RGS6: variants seen among roughly 807,000 people sequenced by gnomAD.
The protein encoded by RGS6 is regulator of G-protein signaling 6.
A neutral mutation model predicts 78.5 loss-of-function variants in RGS6; 30 were observed. The ratio of observed to expected loss-of-function variants is 0.38; its 90% CI spans 0.29 to 0.52. RGS6 has a LOEUF of 0.52. Ranked by LOEUF, RGS6 falls within the 20% of genes least tolerant of loss-of-function variation. The probability of loss-of-function intolerance (pLI) is 0.85; values close to 1 mark genes in which losing one functional copy is unlikely to be tolerated. For synonymous variants in RGS6, 206 were observed against 206.0 expected (o/e 1.00, Z 0.00); for missense variants, 495 against 609.7 (o/e 0.81, Z 1.98).
chr14:71,874,605 T>A, the RGS6 span, among the ~76,000 whole-genome samples: 8 of 152,230 alleles, frequency 5.3e-5, no homozygotes, highest in African/African-American at 1.9e-4. Flanking sequence ...CAATTTGACT[T>A]CCTCTTTTCC....
chr14:72,092,444 C>T (rs1206112241), intron 2 of RGS6, among the ~76,000 whole-genome samples: 3 of 152,042 alleles, frequency 2.0e-5, no homozygotes, highest in Non-Finnish European at 4.4e-5. Flanking sequence ...TGCAATGGCA[C>T]AATCTCAGCT....
chr14:72,435,788 CCT>C (rs2094881099), intron 3 of RGS6, among the ~76,000 whole-genome samples: 2 of 136,476 alleles, frequency 1.5e-5, no homozygotes, highest in African/African-American at 5.4e-5. Flanking sequence ...TATCACATCT[CCT>C]CTCTCTGATC....
chr14:72,090,156 A>G (rs900669631), intron 2 of RGS6, among the ~76,000 whole-genome samples: 2 of 151,956 alleles, frequency 1.3e-5, no homozygotes, highest in African/African-American at 4.8e-5. Context: ...GGCTAAACAC[A>G]AAACCAGAAT....
At position 72,022,339 on chromosome 14, in the gene RGS6, C is replaced by T. The variant is rs377232691; in HGVS notation, c.84+57464C>T. 7 of 152,228 alleles carry T rather than the reference C, an allele frequency of 4.6e-5. No individual in the cohort carries two copies. The East Asian group carries it at 9.7e-4, about 21-fold the overall frequency. The allele number at this position is 152,228 out of a possible 1,614,324, so 9.4% of individuals were successfully genotyped here. ...GAATGATAGTTCTGCTTTTAGCTCTCTGAGGAATTGCCATACTGCTTTCCA... is the reference window on the plus strand; with the variant it reads ...GAATGATAGTTCTGCTTTTAGCTCTTTGAGGAATTGCCATACTGCTTTCCA... On this transcript the variant is annotated intron_variant, in intron 2 of 17. Transcript: ENST00000553525.
intron 2 of RGS6, among the ~76,000 whole-genome samples, chr14:72,341,567 A>G (rs1596004892): frequency 6.6e-6 from 1 of 152,216 alleles, no homozygotes; most frequent in Admixed American, 6.5e-5. Context: ...GATGAAGTCC[A>G]TGACCAGCAA....
intron 2 of RGS6, among the ~76,000 whole-genome samples, chr14:72,012,416 C>A (rs2085966460): frequency 6.6e-6 from 1 of 152,134 alleles, no homozygotes; most frequent in South Asian, 2.1e-4. Flanking sequence ...ATGTCATGAA[C>A]ATTTCCTTAG....
chr14:72,562,719 A>G lies in RGS6; in HGVS notation c.*252A>G. 1 of 1,536,120 alleles carries G rather than the reference A, an allele frequency of 6.5e-7. No homozygotes were observed. Among genetic ancestry groups the G allele is most frequent in the Non-Finnish European group, 8.7e-7 (1 of 1,146,902 alleles). On this transcript the variant is annotated 3_prime_UTR_variant, in exon 18 of 18. Transcript: ENST00000553525. ...AGCCCTCTCTTCTTTGTACAGTTGT[A>G]TTCCAACACTCCACTCGCTAAGAGG... is the stretch of plus-strand genomic sequence containing the variant.
At chr14:72,039,237 AG>A (rs1225708813) in intron 2 of RGS6, among the ~76,000 whole-genome samples, 1 of 152,178 alleles carries the variant, frequency 6.6e-6, no homozygotes, top group Non-Finnish European at 1.5e-5. Flanking sequence ...CATTAATCTC[AG>A]GGTAGGTGAA....
chr14:72,254,492 C>T (rs1290758394), intron 2 of RGS6, among the ~76,000 whole-genome samples: 3 of 152,052 alleles, frequency 2.0e-5, no homozygotes, highest in African/African-American at 7.2e-5. Context: ...AGTTGCTTTT[C>T]CACAGTCCCT....
At chr14:71,944,774 C>A (rs1173421367) in intron 1 of RGS6, among the ~76,000 whole-genome samples, 1 of 152,158 alleles carries the variant, frequency 6.6e-6, no homozygotes, top group South Asian at 2.1e-4. Context: ...GACCAGGATA[C>A]ATTTGGAGAA....
chr14:72,504,266 G>T (rs559689053), intron 13 of RGS6, among the ~76,000 whole-genome samples: 7 of 152,312 alleles, frequency 4.6e-5, no homozygotes, highest in Admixed American at 1.3e-4. Flanking sequence ...AATAGACAAA[G>T]AATTTTTCAG....
At chr14:72,538,679 C>A (rs2097281527) in intron 16 of RGS6, among the ~76,000 whole-genome samples, 1 of 152,244 alleles carries the variant, frequency 6.6e-6, no homozygotes, top group Non-Finnish European at 1.5e-5. Flanking sequence ...TCCTGCCATC[C>A]CCAGAATAGA....
chr14:72,478,538 A>G (rs1332773742), intron 12 of RGS6, among the ~76,000 whole-genome samples: 1 of 152,182 alleles, frequency 6.6e-6, no homozygotes. Flanking sequence ...TTCCGTTGCT[A>G]AGGCTTTACA....
chr14:72,459,585 G>A (rs371451993), intron 5 of RGS6, 47 bp from the exon 6 acceptor site: 86 of 1,600,258 alleles, frequency 5.4e-5, no homozygotes, highest in South Asian at 5.0e-4. Context: ...GGAGGGAAGC[G>A]CAGGCATGGC....
At chr14:72,452,515 A>G (rs1252017527) in intron 3 of RGS6, among the ~76,000 whole-genome samples, 3 of 152,200 alleles carry the variant, frequency 2.0e-5, no homozygotes, top group African/African-American at 7.2e-5. Flanking sequence ...GTCCTGTACC[A>G]GTCCCACTTC....
chr14:72,412,639 A>G (rs533819211), intron 3 of RGS6, among the ~76,000 whole-genome samples: 4 of 152,018 alleles, frequency 2.6e-5, no homozygotes, highest in African/African-American at 9.6e-5. Flanking sequence ...TTGCTTCTCT[A>G]GTTCTTTTAA....
chr14:71,881,913 T>C, the RGS6 span, among the ~76,000 whole-genome samples: 1 of 152,210 alleles, frequency 6.6e-6, no homozygotes, highest in Non-Finnish European at 1.5e-5. Flanking sequence ...ATTGGAAGCC[T>C]ATGCTCTGAA....
chr14:72,482,059 C>T (rs2096392169), intron 12 of RGS6, among the ~76,000 whole-genome samples: 1 of 152,166 alleles, frequency 6.6e-6, no homozygotes, highest in African/African-American at 2.4e-5. Flanking sequence ...ATCCGCCCGC[C>T]TCGGCCTCCC....
chr14:72,609,406 A>G, the RGS6 span, among the ~76,000 whole-genome samples: 1 of 152,134 alleles, frequency 6.6e-6, no homozygotes, highest in Non-Finnish European at 1.5e-5. Flanking sequence ...GCTGCTTCCA[A>G]TCTGTAGGTT....
Sources: gnomAD v4.1 joint callset for allele counts (sites outside exome capture counted in the v4.1 genomes callset) on GRCh38, gnomAD v4.1.1 for gene constraint, MANE v1.5 for transcripts, NCBI Gene and HGNC (gene_info 2026-07-23, HGNC 2026-07-21) for gene names.